The following MAP3K5 variants were observed in gnomAD, a reference collection of about 807,000 sequenced individuals.
The protein encoded by MAP3K5 is ASK-1.
A neutral mutation model predicts 158.7 loss-of-function variants in MAP3K5; 56 were observed. The observed-to-expected ratio is 0.35, with a 90% confidence interval of 0.28 to 0.44. The LOEUF (loss-of-function observed/expected upper bound fraction) is 0.44. Among genes scored for constraint, MAP3K5 ranks in the 20% least tolerant of loss-of-function variants. MAP3K5 has a pLI of 1.00. For synonymous variants in MAP3K5, 579 were observed against 601.7 expected, an observed-to-expected ratio of 0.96 and a Z score of 0.55; for missense variants, 1,294 against 1,674.8, an observed-to-expected ratio of 0.77 and a Z score of 3.97.
chr6:136,672,377 G>C (rs1043043501), intron 7 of MAP3K5, among the ~76,000 whole-genome samples: 1 of 152,196 alleles, frequency 6.6e-6, no homozygotes, highest in African/African-American at 2.4e-5. Context: ...CTTTCATGGG[G>C]CATTTGCTGA....
intron 1 of MAP3K5, among the ~76,000 whole-genome samples, chr6:136,784,155 G>C (rs1195601159): frequency 6.6e-6 from 1 of 152,118 alleles, no homozygotes; most frequent in South Asian, 2.1e-4. Context: ...GAACCAGCTC[G>C]AACTACCAAC....
chr6:136,564,970 C>G (rs1400204504), intron 26 of MAP3K5, among the ~76,000 whole-genome samples: 1 of 152,192 alleles, frequency 6.6e-6, no homozygotes, highest in East Asian at 1.9e-4. Flanking sequence ...CTTTTATTTT[C>G]TATAAATTTG....
intron 2 of MAP3K5, among the ~76,000 whole-genome samples, chr6:136,719,087 G>A (rs941185677): frequency 1.3e-5 from 2 of 152,070 alleles, no homozygotes; most frequent in South Asian, 2.1e-4. Context: ...GAGGAGGGAG[G>A]ATCACTTGAA....
chr6:136,743,319 A>G (rs1011986055), intron 1 of MAP3K5, among the ~76,000 whole-genome samples: 1 of 152,020 alleles, frequency 6.6e-6, no homozygotes, highest in Non-Finnish European at 1.5e-5. Flanking sequence ...GCATGGTGGC[A>G]GGCACCTGTA....
intron 3 of MAP3K5, among the ~76,000 whole-genome samples, chr6:136,703,013 C>T (rs9494559): frequency 0.068 from 10,340 of 152,084 alleles, 1,206 homozygotes; most frequent in African/African-American, 0.24. Context: ...ATTATTTTCA[C>T]CGTTTTTTCT....
intron 1 of MAP3K5, among the ~76,000 whole-genome samples, chr6:136,737,037 G>GTGTATATATATATATATA (rs759947051): frequency 4.8e-4 from 61 of 126,956 alleles, no homozygotes; most frequent in Middle Eastern, 3.8e-3. Context: ...ATATGTGTGT[G>GTGTATATATATATATATA]TATATATATA....
At chr6:136,695,417 G>A (rs1780561775) in intron 6 of MAP3K5, among the ~76,000 whole-genome samples, 1 of 152,180 alleles carries the variant, frequency 6.6e-6, no homozygotes, top group African/African-American at 2.4e-5. Flanking sequence ...AGGATTGCAG[G>A]AGTGAGCCAC....
chr6:136,582,022 G>A (rs1774902409), intron 24 of MAP3K5, among the ~76,000 whole-genome samples: 2 of 151,988 alleles, frequency 1.3e-5, no homozygotes, highest in African/African-American at 2.4e-5. Flanking sequence ...GGCAGAGGTT[G>A]CAGTGACCTG....
intron 1 of MAP3K5, among the ~76,000 whole-genome samples, chr6:136,737,844 G>A (rs1371557684): frequency 6.6e-6 from 1 of 152,212 alleles, no homozygotes; most frequent in African/African-American, 2.4e-5. Flanking sequence ...TTTGGGAGCA[G>A]AGGACAAGGA....
intron 7 of MAP3K5, among the ~76,000 whole-genome samples, chr6:136,689,975 A>T (rs1562615977): frequency 6.6e-6 from 1 of 151,662 alleles, no homozygotes; most frequent in African/African-American, 2.4e-5. Context: ...GCCTCCTTGA[A>T]TTTTTTTTTA....
intron 28 of MAP3K5, among the ~76,000 whole-genome samples, chr6:136,560,585 G>A (rs1396359262): frequency 2.6e-5 from 4 of 152,126 alleles, no homozygotes. Flanking sequence ...CGACCAGATT[G>A]ATTTTATTAA....
intron 7 of MAP3K5, among the ~76,000 whole-genome samples, chr6:136,679,802 A>C (rs1227966750): frequency 2.0e-5 from 3 of 152,202 alleles, no homozygotes; most frequent in Non-Finnish European, 4.4e-5. Context: ...TTCTGGGTAT[A>C]TACTTAAAAT....
rs1303675467 is a variant in MAP3K5, at chr6:136,558,856, T to C, written c.4008A>G (p.Thr1336=). The part of the protein sequence containing the change: ...TISRFLAEDY[T]LLDVLYYVTR... ...TAACATAGTAGAGAACATCCAATAG[T>C]GTATAATCTTCAGCCAAAAACTGTA... The change falls in exon 29 of 30, where the codon ACA becomes ACG. Residue 1336 remains threonine, a synonymous_variant. Transcript: ENST00000359015. The C allele has an allele frequency of 2.5e-6, 4 of 1,599,010 alleles. 1 individual carries two copies. The highest frequency in any genetic ancestry group is 2.2e-5 in the South Asian group (2 of 89,982).
chr6:136,642,321 G>A (rs571113377), intron 12 of MAP3K5, among the ~76,000 whole-genome samples, 199 bp downstream of exon 12: 1 of 152,258 alleles, frequency 6.6e-6, no homozygotes, highest in African/African-American at 2.4e-5. Flanking sequence ...CACAGAATCA[G>A]TTCAACCAGC....
intron 14 of MAP3K5, among the ~76,000 whole-genome samples, chr6:136,633,838 C>T (rs534542213): frequency 2.0e-5 from 3 of 152,336 alleles, no homozygotes; most frequent in Non-Finnish European, 2.9e-5. Flanking sequence ...AGTAGCATTT[C>T]CTGGCCTTTC....
chr6:136,651,860 A>T (rs1199232195), intron 10 of MAP3K5, among the ~76,000 whole-genome samples: 1 of 152,170 alleles, frequency 6.6e-6, no homozygotes, highest in African/African-American at 2.4e-5. Context: ...CTAAAATAAC[A>T]CACATGCCCT....
intron 1 of MAP3K5, among the ~76,000 whole-genome samples, chr6:136,786,343 C>T (rs954793062): frequency 2.8e-5 from 4 of 144,864 alleles, no homozygotes; most frequent in Non-Finnish European, 6.0e-5. Flanking sequence ...CGAGCCACTG[C>T]ACTCCAGCCT....
intron 24 of MAP3K5, among the ~76,000 whole-genome samples, chr6:136,582,675 G>T (rs768766922): frequency 6.6e-6 from 1 of 152,132 alleles, no homozygotes; most frequent in Non-Finnish European, 1.5e-5. Flanking sequence ...ATTTGATGTT[G>T]CAAATAAAAT....
chr6:136,720,516 A>C lies in MAP3K5; in HGVS notation c.522T>G (p.Ser174Arg). 6.2e-7 allele frequency: 1 copy of C among 1,613,528 alleles called. No individual in the cohort carries two copies. Among genetic ancestry groups the C allele is most frequent in the Non-Finnish European group, 8.5e-7 (1 of 1,179,680 alleles). Residue 174 changes from serine to arginine, a missense_variant, in exon 2 of 30, where the codon AGT (serine) becomes AGG (arginine). Ser to Arg is a moderately radical substitution (Grantham distance 110). Coordinates refer to ENST00000359015, the MANE Select transcript of MAP3K5 (RefSeq NM_005923.4). ...SLFYHLGVRE[S>R]FSMANNIILY... The stretch of plus-strand genomic sequence containing the variant: ...GGATGATGTTGTTGGCCATGCTGAA[A>C]CTTTCTCTCACCCCAAGGTGGTAAA...
Sources: allele counts gnomAD v4.1 joint callset (sites outside exome capture counted in the v4.1 genomes callset), GRCh38; gene constraint gnomAD v4.1.1; transcripts MANE v1.5; gene names NCBI Gene and HGNC (gene_info 2026-07-23, HGNC 2026-07-21).